The following XPO1 variants were observed in gnomAD, a reference collection of about 807,000 sequenced individuals.
The protein encoded by XPO1 is exportin-1.
In XPO1, 5 loss-of-function variants were observed where a neutral mutation model predicts 133.3. That is an observed-to-expected ratio of 0.04 (90% CI 0.02 to 0.08). The LOEUF (loss-of-function observed/expected upper bound fraction) is 0.08. Ranked by LOEUF, XPO1 falls within the 10% of genes least tolerant of loss-of-function variation. The probability of loss-of-function intolerance (pLI) is 1.00; values close to 1 mark genes in which losing one functional copy is unlikely to be tolerated. For missense variants in XPO1, 506 were observed against 1,267.5 expected, an observed-to-expected ratio of 0.40 and a Z score of 9.12; for synonymous variants, 419 against 408.2, an observed-to-expected ratio of 1.03 and a Z score of -0.32.
At chr2:61,485,697 C>T (rs909110359) in intron 20 of XPO1, 71 bp downstream of exon 20, 1 of 1,244,298 alleles carries the variant, frequency 8.0e-7, no homozygotes, top group Non-Finnish European at 1.1e-6. Flanking sequence ...TATCCACAGA[C>T]ATACTTTAGC....
At chr2:61,516,023 G>C (rs951062631) in intron 4 of XPO1, among the ~76,000 whole-genome samples, 47 of 151,088 alleles carry the variant, frequency 3.1e-4, no homozygotes, top group Non-Finnish European at 6.3e-4. Context: ...CTACTCAGGA[G>C]GCTGAGGCAG....
chr2:61,497,917 AACTGATCATTCAAAT>A (rs1448999039), intron 9 of XPO1, among the ~76,000 whole-genome samples: 1 of 152,234 alleles, frequency 6.6e-6, no homozygotes, highest in Non-Finnish European at 1.5e-5. Flanking sequence ...TTAAGCAATA[AACTGATCATTCAAAT>A]ACTATAAATC....
At chr2:61,527,989 G>A (rs934917580) in intron 2 of XPO1, among the ~76,000 whole-genome samples, 1 of 151,132 alleles carries the variant, frequency 6.6e-6, no homozygotes, top group South Asian at 2.1e-4. Flanking sequence ...TGCAATGGCA[G>A]GATCTCGACT....
intron 9 of XPO1, among the ~76,000 whole-genome samples, chr2:61,498,363 G>A (rs529776930): frequency 6.6e-6 from 1 of 152,268 alleles, no homozygotes; most frequent in East Asian, 1.9e-4. Flanking sequence ...TCAGTTAAAA[G>A]ATGAACTTTT....
At chr2:61,523,496 G>C (rs1352421398) in intron 3 of XPO1, among the ~76,000 whole-genome samples, 2 of 152,168 alleles carry the variant, frequency 1.3e-5, no homozygotes, top group East Asian at 1.9e-4. Context: ...GTTACTACCT[G>C]AATTACTATG....
intron 1 of XPO1, chr2:61,536,663 C>G (rs972418852): frequency 1.3e-5 from 2 of 152,186 alleles, no homozygotes; most frequent in African/African-American, 4.8e-5. Flanking sequence ...CCCACCCGAA[C>G]CGATTTGCAG....
At chr2:61,524,344 CCTTT>C (rs1573214046) in intron 3 of XPO1, among the ~76,000 whole-genome samples, 1 of 152,240 alleles carries the variant, frequency 6.6e-6, no homozygotes. Flanking sequence ...AAGACACTGT[CCTTT>C]CTTTTTTATT....
At chr2:61,487,861 A>AATGT (rs1696773840) in intron 19 of XPO1, among the ~76,000 whole-genome samples, 1 of 152,184 alleles carries the variant, frequency 6.6e-6, no homozygotes, top group Admixed American at 6.5e-5. Flanking sequence ...GGAATGCAAA[A>AATGT]ACTGCACCGG....
At chr2:61,493,854 G>T (rs1221615502) in intron 12 of XPO1, 40 bp downstream of exon 12, 1 of 1,604,248 alleles carries the variant, frequency 6.2e-7, no homozygotes. Context: ...CAAAACCACA[G>T]TATGCAACAG....
At chr2:61,502,499 C>A in intron 4 of XPO1, 189 bp from the exon 5 acceptor site, 1 of 524,748 alleles carries the variant, frequency 1.9e-6, no homozygotes, top group Non-Finnish European at 3.3e-6. Flanking sequence ...CTTGTAATCC[C>A]AGCAATTCTT....
At chr2:61,482,732 A>T (rs763290499) in intron 22 of XPO1, 193 bp from the exon 23 acceptor site, 15 of 735,816 alleles carry the variant, frequency 2.0e-5, no homozygotes, top group Non-Finnish European at 3.0e-5. Flanking sequence ...CAGCCTCCCG[A>T]ATAGGTGGGA....
At chr2:61,488,092 TAATAG>T in intron 19 of XPO1, 68 bp downstream of exon 19, 1 of 1,335,272 alleles carries the variant, frequency 7.5e-7, no homozygotes, top group Non-Finnish European at 1.1e-6. Flanking sequence ...AAAATGCACA[TAATAG>T]AGTATAGCAT....
chr2:61,525,062 C>T (rs1230062880), intron 3 of XPO1, among the ~76,000 whole-genome samples: 1 of 151,850 alleles, frequency 6.6e-6, no homozygotes, highest in East Asian at 1.9e-4. Context: ...TTGAGAAATC[C>T]ACTGCTGAGT....
chr2:61,502,423 T>G, intron 4 of XPO1, 113 bp from the exon 5 acceptor site: 1 of 1,031,594 alleles, frequency 9.7e-7, no homozygotes, highest in Non-Finnish European at 1.4e-6. Flanking sequence ...AATCAGTTAA[T>G]ATACTCTAAT....
chr2:61,499,017 C>A, intron 7 of XPO1, 104 bp from the exon 8 acceptor site: 1 of 1,303,338 alleles, frequency 7.7e-7, no homozygotes, highest in Non-Finnish European at 1.0e-6. Flanking sequence ...TACAGTGGCT[C>A]ATGCCTGTAA....
intron 4 of XPO1, among the ~76,000 whole-genome samples, chr2:61,512,493 A>C (rs1698143847): frequency 6.6e-6 from 1 of 152,216 alleles, no homozygotes; most frequent in Non-Finnish European, 1.5e-5. Context: ...CAGGAAGGGA[A>C]AGTGAGTTTG....
intron 21 of XPO1, 82 bp downstream of exon 21, chr2:61,483,855 G>C: frequency 6.7e-7 from 1 of 1,482,908 alleles, no homozygotes; most frequent in Non-Finnish European, 9.3e-7. Flanking sequence ...CTCTGAACAA[G>C]TAATACCTTC....
Position 61,482,695 on chromosome 2 carries a change from T to G in XPO1, c.2813-156A>C, listed in dbSNP as rs919842668. Reference sequence around the variant, plus strand: ...ATCTTAGTTCACTGCAACCTCTGCCTCCTCGGTCCAAGCCATTCTCCTGCC... The same window carrying G: ...ATCTTAGTTCACTGCAACCTCTGCCGCCTCGGTCCAAGCCATTCTCCTGCC... On this transcript the variant is annotated intron_variant, in intron 22 of 24. Coordinates refer to ENST00000401558, the MANE Select transcript of XPO1 (RefSeq NM_003400.4). 5.8e-5 allele frequency: 47 copies of G among 807,612 alleles called. 1 individual carries two copies. Among genetic ancestry groups the G allele is most frequent in the African/African-American group, 1.1e-4 (6 of 56,796 alleles). The allele number at this position is 807,612 out of a possible 1,614,324, so 50.0% of individuals were successfully genotyped here. A position where few individuals can be genotyped will look rare whatever the true frequency, so the allele number is the denominator to read the frequency against.
At chr2:61,528,742 TA>T in intron 2 of XPO1, among the ~76,000 whole-genome samples, 1 of 11,206 alleles carries the variant, frequency 8.9e-5, no homozygotes, top group Non-Finnish European at 1.5e-4. Context: ...TTTATATATA[TA>T]TATATATATA....
Sources: gnomAD v4.1 joint callset for allele counts (sites outside exome capture counted in the v4.1 genomes callset) on GRCh38, gnomAD v4.1.1 for gene constraint, MANE v1.5 for transcripts, NCBI Gene and HGNC (gene_info 2026-07-23, HGNC 2026-07-21) for gene names.